The following TPST1 variants were observed in gnomAD, a reference collection of about 807,000 sequenced individuals.
The protein encoded by TPST1 is tyrosylprotein sulfotransferase 1.
In TPST1, 20 loss-of-function variants were observed where a neutral mutation model predicts 34.8. That is an observed-to-expected ratio of 0.57 (90% confidence interval 0.40 to 0.84). The LOEUF (loss-of-function observed/expected upper bound fraction) is 0.84, where lower values mean the gene tolerates loss of function less well. Ranked by LOEUF, TPST1 falls within the 40% of genes least tolerant of loss-of-function variation. The pLI, the probability that TPST1 is intolerant of heterozygous loss-of-function variation, is 0.00. For synonymous variants in TPST1, 152 were observed against 159.4 expected, an observed-to-expected ratio of 0.95 and a Z score of 0.35; for missense variants, 353 against 455.5, an observed-to-expected ratio of 0.78 and a Z score of 2.05.
At chr7:66,244,900 T>G (rs991787473) in intron 2 of TPST1, among the ~76,000 whole-genome samples, 2 of 151,868 alleles carry the variant, frequency 1.3e-5, no homozygotes, top group East Asian at 3.9e-4. Context: ...ACAAATAAAT[T>G]AGAATGAAAA....
chr7:66,325,787 C>T (rs1346597431), intron 3 of TPST1, among the ~76,000 whole-genome samples: 1 of 151,936 alleles, frequency 6.6e-6, no homozygotes, highest in African/African-American at 2.4e-5. Context: ...AGGCACCCGC[C>T]TCCATGCCTG....
chr7:66,355,925 A>AAT (rs1371958909), intron 4 of TPST1, among the ~76,000 whole-genome samples: 1 of 143,696 alleles, frequency 7.0e-6, no homozygotes, highest in Non-Finnish European at 1.5e-5. Flanking sequence ...AAAAAAAAAA[A>AAT]GGCTGAGCGT....
intron 5 of TPST1, chr7:66,359,558 G>A (rs1322488111): frequency 3.8e-6 from 1 of 261,058 alleles, no homozygotes; most frequent in East Asian, 9.6e-5. Context: ...TGGACATCTG[G>A]TGCCCCTGAC....
At chr7:66,199,358 A>ACT in the TPST1 span, among the ~76,000 whole-genome samples, 1 of 134,326 alleles carries the variant, frequency 7.4e-6, no homozygotes, top group African/African-American at 2.9e-5. Flanking sequence ...GCAGTGGTGC[A>ACT]ATCTCAGCTC....
At chr7:66,294,585 C>A (rs1266192899) in intron 3 of TPST1, among the ~76,000 whole-genome samples, 1 of 151,392 alleles carries the variant, frequency 6.6e-6, no homozygotes, top group Non-Finnish European at 1.5e-5. Flanking sequence ...TAATCGCTAT[C>A]CTCTTTACAC....
intron 3 of TPST1, among the ~76,000 whole-genome samples, chr7:66,318,848 A>T (rs1425697372): frequency 1.3e-5 from 2 of 152,160 alleles, no homozygotes; most frequent in African/African-American, 2.4e-5. Context: ...CTAATTCTTG[A>T]AATGTTGTTT....
intron 3 of TPST1, among the ~76,000 whole-genome samples, chr7:66,311,822 T>C (rs1791538628): frequency 6.6e-6 from 1 of 152,232 alleles, no homozygotes; most frequent in Admixed American, 6.5e-5. Context: ...GCTGAAAGTC[T>C]GAGACTACCC....
chr7:66,326,997 G>A (rs984505992), intron 3 of TPST1, among the ~76,000 whole-genome samples: 1 of 152,192 alleles, frequency 6.6e-6, no homozygotes, highest in Non-Finnish European at 1.5e-5. Flanking sequence ...AATGTTATCA[G>A]CTGTTTTACA....
At chr7:66,346,407 G>A (rs1002181992) in intron 3 of TPST1, among the ~76,000 whole-genome samples, 18 of 152,220 alleles carry the variant, frequency 1.2e-4, no homozygotes, top group Admixed American at 9.2e-4. Flanking sequence ...CCTCCATACT[G>A]TTCTCCATGG....
chr7:66,262,566 T>C (rs903501107), intron 2 of TPST1, among the ~76,000 whole-genome samples: 1 of 152,188 alleles, frequency 6.6e-6, no homozygotes, highest in Non-Finnish European at 1.5e-5. Context: ...TCCATCTGCC[T>C]AGCATGTCTT....
chr7:66,322,407 C>G (rs899438241), intron 3 of TPST1, among the ~76,000 whole-genome samples: 1 of 152,174 alleles, frequency 6.6e-6, no homozygotes, highest in Non-Finnish European at 1.5e-5. Flanking sequence ...CTTCTTCTCC[C>G]CACTCCCCTC....
chr7:66,243,255 G>A (rs1397155042), intron 2 of TPST1, among the ~76,000 whole-genome samples: 1 of 151,990 alleles, frequency 6.6e-6, no homozygotes, highest in Non-Finnish European at 1.5e-5. Flanking sequence ...TACTGTAAAT[G>A]AACATGTTCT....
At chr7:66,318,090 A>C (rs530690513) in intron 3 of TPST1, among the ~76,000 whole-genome samples, 1 of 152,194 alleles carries the variant, frequency 6.6e-6, no homozygotes, top group Non-Finnish European at 1.5e-5. Context: ...ACCTGGAGGC[A>C]GAGGTTACAG....
At chr7:66,334,651 A>AAAAG (rs1792059273) in intron 3 of TPST1, among the ~76,000 whole-genome samples, 1 of 151,024 alleles carries the variant, frequency 6.6e-6, no homozygotes, top group Non-Finnish European at 1.5e-5. Flanking sequence ...AAAAAAAAAA[A>AAAAG]GTATTCAAAG....
intron 2 of TPST1, among the ~76,000 whole-genome samples, chr7:66,281,921 TGAG>T (rs1309688481): frequency 1.3e-5 from 2 of 152,166 alleles, no homozygotes; most frequent in Non-Finnish European, 2.9e-5. Flanking sequence ...CCCCATTCCT[TGAG>T]GAGGAGTTGC....
intron 3 of TPST1, among the ~76,000 whole-genome samples, chr7:66,343,045 C>T (rs1026199277): frequency 2.0e-5 from 3 of 152,142 alleles, no homozygotes; most frequent in Non-Finnish European, 4.4e-5. Flanking sequence ...CCCAGGCACA[C>T]AGGCTCACTA....
At position 66,307,911 on chromosome 7, in the gene TPST1, A is replaced by G. The variant is rs572344318; in HGVS notation, c.1044+21202A>G. The stretch of plus-strand genomic sequence containing the variant: ...AGATTATACATTGGTCATCATTTAC[A>G]TGGGACACAAATACCCTCACACTTT... On this transcript the variant is annotated intron_variant, in intron 3 of 5. Coordinates refer to ENST00000304842, the MANE Select transcript of TPST1 (RefSeq NM_003596.4). Among the ~76,000 whole-genome samples, 4 of 152,370 alleles carry G rather than the reference A, an allele frequency of 2.6e-5. No individual in the cohort carries two copies. The South Asian group carries it at 6.2e-4, about 24-fold the overall frequency.
At chr7:66,328,983 C>T (rs1791942538) in intron 3 of TPST1, among the ~76,000 whole-genome samples, 1 of 137,174 alleles carries the variant, frequency 7.3e-6, no homozygotes, top group South Asian at 2.4e-4. Context: ...ATAATCACAG[C>T]TCACTGCAGC....
At chr7:66,353,064 C>T (rs1383712999) in intron 4 of TPST1, 12 of 955,042 alleles carry the variant, frequency 1.3e-5, no homozygotes, top group Non-Finnish European at 1.5e-5. Flanking sequence ...CCTGTAATCC[C>T]AGCAATTTGT....
Sources: gnomAD v4.1 joint callset for allele counts (sites outside exome capture counted in the v4.1 genomes callset) on GRCh38, gnomAD v4.1.1 for gene constraint, MANE v1.5 for transcripts, NCBI Gene and HGNC (gene_info 2026-07-23, HGNC 2026-07-21) for gene names.